HDAC5: variants seen among roughly 807,000 people sequenced by gnomAD.
HDAC5 encodes histone deacetylase 5.
Under a neutral mutation model 133.3 loss-of-function variants are expected in HDAC5, and 25 were observed. The ratio of observed to expected loss-of-function variants is 0.19; its 90% confidence interval spans 0.14 to 0.26. The LOEUF is 0.26. Among genes scored for constraint, HDAC5 ranks in the 10% least tolerant of loss-of-function variants. HDAC5 has a pLI of 1.00. For missense variants in HDAC5, 1,041 were observed against 1,460.5 expected, an observed-to-expected ratio of 0.71 and a Z score of 4.68; for synonymous variants, 589 against 610.8, an observed-to-expected ratio of 0.96 and a Z score of 0.53.
intron 3 of HDAC5, among the ~76,000 whole-genome samples, chr17:44,095,759 G>T (rs1322250648): frequency 6.6e-6 from 1 of 152,048 alleles, no homozygotes; most frequent in South Asian, 2.1e-4. Context: ...GGTGGGAGGA[G>T]GAGACAGGAA....
intron 14 of HDAC5, among the ~76,000 whole-genome samples, chr17:44,085,518 T>A (rs2143127972): frequency 6.6e-6 from 1 of 151,792 alleles, no homozygotes; most frequent in Admixed American, 6.6e-5. Context: ...TTTCTTTTGT[T>A]TTTTTTTGAG....
chr17:44,078,260 G>C lies in HDAC5; in HGVS notation c.*116C>G, dbSNP rs1294972094. The stretch of plus-strand genomic sequence containing the variant: ...CTGAGGCAGCGTAGAGGAGCAGGAG[G>C]GGCAAGGCTGAGAGACCCACACGGC... On this transcript the variant is annotated 3_prime_UTR_variant, in exon 27 of 27. Transcript: ENST00000682912. 2 of 1,120,850 alleles carry C rather than the reference G, an allele frequency of 1.8e-6. No homozygotes were observed. The highest frequency in any genetic ancestry group is 1.6e-5 in the African/African-American group (1 of 63,318). The allele number at this position is 1,120,850 out of a possible 1,614,324, so 69.4% of individuals were successfully genotyped here.
rs2050212798 is a variant in HDAC5, at chr17:44,078,427, G to A, written c.3330-12C>T. ...GCTCCTCTGCCGGCCTGTGGGGCAA[G>A]CACAGGGGAGGGTATTGAGTGGGGC... On this transcript the variant is annotated splice_polypyrimidine_tract_variant and intron_variant, in intron 26 of 26. Coordinates refer to ENST00000682912, the MANE Select transcript of HDAC5 (RefSeq NM_005474.5). 2 of 1,545,768 alleles carry A rather than the reference G, an allele frequency of 1.3e-6. No homozygotes were observed. The highest frequency in any genetic ancestry group is 3.9e-5 in the Admixed American group (2 of 50,668).
intron 3 of HDAC5, among the ~76,000 whole-genome samples, chr17:44,103,506 A>G (rs2051745104): frequency 6.6e-6 from 1 of 152,310 alleles, no homozygotes; most frequent in Admixed American, 6.5e-5. Context: ...CCATGCAGGC[A>G]TCTGTAAACT....
chr17:44,097,089 C>T (rs2051320096), intron 3 of HDAC5, among the ~76,000 whole-genome samples: 1 of 152,206 alleles, frequency 6.6e-6, no homozygotes, highest in South Asian at 2.1e-4. Context: ...CTAAGAGAGG[C>T]CCCCACACCT....
chr17:44,087,289 G>T (rs764140698), intron 13 of HDAC5, 123 bp downstream of exon 13: 1 of 646,796 alleles, frequency 1.5e-6, no homozygotes, highest in Non-Finnish European at 2.8e-6. Context: ...GCTCTCTACA[G>T]AAAGCTGCTC....
chr17:44,092,715 G>A lies in HDAC5; in HGVS notation c.733C>T (p.Pro245Ser). ...GGGAAGTCGTCTCGACTGTCGTAGG[G>A]CCCAGGCAAAGGCAGTTTGTAGGAG... Reference protein sequence around the residue: ...PPSYKLPLPGPYDSRDDFPLR... With the variant: ...PPSYKLPLPGSYDSRDDFPLR... Residue 245 changes from proline to serine, a missense_variant, in exon 7 of 27, where the codon CCC (proline) becomes TCC (serine). By Grantham distance (74) the Pro-to-Ser change is moderately conservative. Transcript: ENST00000682912. The A allele has an allele frequency of 6.6e-7, 1 of 1,506,774 alleles. No homozygotes were observed. The highest frequency in any genetic ancestry group is 8.9e-7 in the Non-Finnish European group (1 of 1,127,226). The allele number at this position is 1,506,774 out of a possible 1,614,324, so 93.3% of individuals were successfully genotyped here.
At chr17:44,118,812 C>A (rs1009443376) in intron 1 of HDAC5, among the ~76,000 whole-genome samples, 2 of 152,156 alleles carry the variant, frequency 1.3e-5, no homozygotes, top group East Asian at 3.9e-4. Context: ...CTCTGCTCCC[C>A]AAGCCTCGAA....
At chr17:44,088,140 C>A (rs1161100414) in intron 12 of HDAC5, among the ~76,000 whole-genome samples, 1 of 152,218 alleles carries the variant, frequency 6.6e-6, no homozygotes, top group African/African-American at 2.4e-5. Context: ...TCCCGAGTAG[C>A]TGGGATTATT....
intron 18 of HDAC5, among the ~76,000 whole-genome samples, chr17:44,083,221 T>A (rs1260900227): frequency 1.3e-5 from 2 of 152,124 alleles, no homozygotes; most frequent in Non-Finnish European, 2.9e-5. Flanking sequence ...TCTGCCCACC[T>A]CGGCCTCCCA....
intron 3 of HDAC5, among the ~76,000 whole-genome samples, chr17:44,101,509 T>C (rs1050022659): frequency 6.6e-6 from 1 of 151,038 alleles, no homozygotes; most frequent in African/African-American, 2.4e-5. Flanking sequence ...GTACAAGGCA[T>C]GGGACATTAT....
At chr17:44,084,042 T>C (rs1224512818) in intron 16 of HDAC5, among the ~76,000 whole-genome samples, 188 bp from the exon 17 acceptor site, 1 of 151,756 alleles carries the variant, frequency 6.6e-6, no homozygotes. Context: ...GAGAGTTGCT[T>C]GAGCCTGGGG....
intron 20 of HDAC5, chr17:44,082,268 T>C (rs1471612261): frequency 2.3e-5 from 9 of 388,770 alleles, no homozygotes; most frequent in Admixed American, 2.1e-4. Context: ...GGAGGAAATA[T>C]CGGCTACTAG....
At chr17:44,118,222 G>C (rs540467448) in intron 1 of HDAC5, among the ~76,000 whole-genome samples, 10 of 152,354 alleles carry the variant, frequency 6.6e-5, no homozygotes, top group African/African-American at 1.9e-4. Context: ...ATGTGCTTCT[G>C]TTTTGGTCTC....
intron 20 of HDAC5, 58 bp downstream of exon 20, chr17:44,082,527 G>T: frequency 1.5e-6 from 2 of 1,366,778 alleles, no homozygotes; most frequent in Non-Finnish European, 2.1e-6. Flanking sequence ...CTTCCTGAAG[G>T]CTGACCCTGG....
chr17:44,094,632 A>T (rs1878933151), intron 3 of HDAC5, among the ~76,000 whole-genome samples: 1 of 152,074 alleles, frequency 6.6e-6, no homozygotes, highest in Non-Finnish European at 1.5e-5. Flanking sequence ...GCGAGCCTCC[A>T]TCTCAAAAAA....
At chr17:44,083,709 G>C (rs1020539723) in intron 17 of HDAC5, 57 bp from the exon 18 acceptor site, 4 of 1,584,742 alleles carry the variant, frequency 2.5e-6, no homozygotes, top group Middle Eastern at 1.7e-4. Flanking sequence ...AACAGGGGAG[G>C]GCACCTGGAC....
At chr17:44,120,866 G>A (rs1374799203) in intron 1 of HDAC5, among the ~76,000 whole-genome samples, 1 of 151,974 alleles carries the variant, frequency 6.6e-6, no homozygotes, top group Non-Finnish European at 1.5e-5. Flanking sequence ...GAGAGCTTCT[G>A]TTGCCTAGTG....
chr17:44,079,445 G>T (rs181010124), intron 23 of HDAC5, 168 bp from the exon 24 acceptor site: 75 of 577,566 alleles, frequency 1.3e-4, no homozygotes, highest in South Asian at 5.1e-4. Context: ...TTCGAGACCA[G>T]CCTGACCAAC....
Sources: gnomAD v4.1 joint callset for allele counts (sites outside exome capture counted in the v4.1 genomes callset) on GRCh38, gnomAD v4.1.1 for gene constraint, MANE v1.5 for transcripts, NCBI Gene and HGNC (gene_info 2026-07-23, HGNC 2026-07-21) for gene names.